Variants in LY96 observed in about 807,000 individuals in gnomAD.
LY96 encodes lymphocyte antigen 96.
Under a neutral mutation model 18.9 loss-of-function variants are expected in LY96, and 18 were observed. That is an observed-to-expected ratio of 0.95 (90% CI 0.66 to 1.41). The LOEUF (loss-of-function observed/expected upper bound fraction) is 1.41. Among genes scored for constraint, LY96 ranks in the 40% most tolerant of loss-of-function variants. The pLI is 0.00. For synonymous variants in LY96, 66 were observed against 62.6 expected, an observed-to-expected ratio of 1.06 and a Z score of -0.26; for missense variants, 175 against 182.4, an observed-to-expected ratio of 0.96 and a Z score of 0.23.
intron 2 of LY96, among the ~76,000 whole-genome samples, chr8:74,008,778 T>G (rs1420483641): frequency 7.9e-5 from 12 of 152,174 alleles, no homozygotes; most frequent in Admixed American, 7.9e-4. Context: ...ATTGTCACCT[T>G]ATGTGGTACT....
the LY96 span, among the ~76,000 whole-genome samples, chr8:74,048,322 T>C: frequency 6.6e-6 from 1 of 151,522 alleles, no homozygotes; most frequent in Non-Finnish European, 1.5e-5. Flanking sequence ...AGTACAGTGG[T>C]GCAATCTTGG....
At chr8:74,028,935 A>G (rs1446510449) in intron 4 of LY96, 21 bp from the exon 5 acceptor site, 2 of 1,438,294 alleles carry the variant, frequency 1.4e-6, no homozygotes, top group Admixed American at 1.7e-5. Context: ...TATTACTTGT[A>G]TTTCTTATAC....
At chr8:74,060,774 T>G in the LY96 span, among the ~76,000 whole-genome samples, 47,417 of 152,048 alleles carry the variant, frequency 0.31, 9,698 homozygotes, top group African/African-American at 0.58. Flanking sequence ...TTCTCCTGTA[T>G]CCTAGGAGAT....
At chr8:74,017,788 A>T (rs1402323532) in intron 3 of LY96, among the ~76,000 whole-genome samples, 1 of 152,196 alleles carries the variant, frequency 6.6e-6, no homozygotes, top group Non-Finnish European at 1.5e-5. Context: ...AGAATTTCAT[A>T]CCCAGCCAAA....
intron 3 of LY96, among the ~76,000 whole-genome samples, chr8:74,023,805 A>T (rs1174689342): frequency 6.6e-6 from 1 of 152,218 alleles, no homozygotes; most frequent in African/African-American, 2.4e-5. Flanking sequence ...TAATATTTGC[A>T]TTTAAAACTG....
chr8:74,012,793 TATATTTAC>T (rs1395470447), intron 3 of LY96, among the ~76,000 whole-genome samples: 2 of 152,154 alleles, frequency 1.3e-5, no homozygotes, highest in African/African-American at 4.8e-5. Flanking sequence ...ACAATAAAAT[TATATTTAC>T]ATATAATTTT....
intron 3 of LY96, among the ~76,000 whole-genome samples, chr8:74,021,970 A>G (rs1816771240): frequency 6.6e-6 from 1 of 152,182 alleles, no homozygotes; most frequent in African/African-American, 2.4e-5. Context: ...TACCTAATGT[A>G]AATGACTAAT....
chr8:74,083,861 T>A, the LY96 span, among the ~76,000 whole-genome samples: 8 of 151,844 alleles, frequency 5.3e-5, no homozygotes, highest in African/African-American at 1.9e-4. Flanking sequence ...CTGGCTAATT[T>A]TTTTTTTTAG....
intron 1 of LY96, among the ~76,000 whole-genome samples, chr8:73,996,360 CCTTCCTTCATTCCTTT>C (rs1451472872): frequency 1.5e-4 from 17 of 116,718 alleles, no homozygotes; most frequent in African/African-American, 2.2e-4. Context: ...TTCCTTCCTT[CCTTCCTTCATTCCTTT>C]CTTTCTTTCT....
the LY96 span, among the ~76,000 whole-genome samples, chr8:74,054,501 T>C: frequency 1.3e-5 from 2 of 151,254 alleles, no homozygotes; most frequent in Non-Finnish European, 3.0e-5. Context: ...TTTCTTTTCT[T>C]TTTTTTTCTT....
At chr8:74,012,969 G>A (rs1018523317) in intron 3 of LY96, among the ~76,000 whole-genome samples, 13 of 150,738 alleles carry the variant, frequency 8.6e-5, no homozygotes, top group African/African-American at 3.2e-4. Context: ...TTTTTTTTGA[G>A]ACAAGATCTT....
At chr8:74,040,574 C>A in the LY96 span, among the ~76,000 whole-genome samples, 1 of 152,120 alleles carries the variant, frequency 6.6e-6, no homozygotes, top group East Asian at 1.9e-4. Context: ...TTCCCAGCAC[C>A]ATTTATTAAA....
At chr8:74,090,795 G>C in the LY96 span, among the ~76,000 whole-genome samples, 1 of 152,256 alleles carries the variant, frequency 6.6e-6, no homozygotes, top group Non-Finnish European at 1.5e-5. Flanking sequence ...CAATTTGGTA[G>C]GACTCTCTTG....
At chr8:74,046,859 G>A in the LY96 span, among the ~76,000 whole-genome samples, 1 of 151,358 alleles carries the variant, frequency 6.6e-6, no homozygotes, top group Non-Finnish European at 1.5e-5. Context: ...GGCTTTTTGG[G>A]GGAGGTGAAC....
chr8:74,060,783 A>G, the LY96 span, among the ~76,000 whole-genome samples: 1 of 152,130 alleles, frequency 6.6e-6, no homozygotes, highest in Non-Finnish European at 1.5e-5. Flanking sequence ...ATCCTAGGAG[A>G]TTATGTTTCC....
chr8:73,996,367 T>TCCTC (rs1249993720), intron 1 of LY96, among the ~76,000 whole-genome samples: 2 of 110,696 alleles, frequency 1.8e-5, no homozygotes, highest in East Asian at 4.6e-4. Flanking sequence ...CTTCCTTCCT[T>TCCTC]CATTCCTTTC....
the LY96 span, among the ~76,000 whole-genome samples, chr8:74,094,255 A>T: frequency 6.7e-6 from 1 of 149,644 alleles, no homozygotes; most frequent in African/African-American, 2.4e-5. Flanking sequence ...GGGTGTGTGT[A>T]TGTGTGTGTG....
the LY96 span, among the ~76,000 whole-genome samples, chr8:74,090,227 A>C: frequency 6.6e-6 from 1 of 152,106 alleles, no homozygotes; most frequent in East Asian, 1.9e-4. Context: ...AGGTGATGAA[A>C]AGTGGTCAGA....
At chr8:74,029,089 A>G, downstream of LY96, 3 of 1,306,278 alleles carry the variant, frequency 2.3e-6, no homozygotes, top group South Asian at 2.4e-5. Flanking sequence ...ATTTAAAGGT[A>G]TTGTTCCTGT....
Sources: allele counts gnomAD v4.1 joint callset (sites outside exome capture counted in the v4.1 genomes callset), GRCh38; gene constraint gnomAD v4.1.1; transcripts MANE v1.5; gene names NCBI Gene and HGNC (gene_info 2026-07-23, HGNC 2026-07-21).